The following NELL1 variants were observed in gnomAD, a reference collection of about 807,000 sequenced individuals.
NELL1 encodes protein kinase C-binding protein NELL1.
Under a neutral mutation model 107.4 loss-of-function variants are expected in NELL1, and 76 were observed. The ratio of observed to expected loss-of-function variants is 0.71; its 90% CI spans 0.59 to 0.86. The LOEUF is 0.86. Ranked by LOEUF, NELL1 falls within the 40% of genes least tolerant of loss-of-function variation. NELL1 has a pLI of 0.00. For missense variants in NELL1, 1,024 were observed against 1,005.5 expected, an observed-to-expected ratio of 1.02 and a Z score of -0.25; for synonymous variants, 353 against 341.2, an observed-to-expected ratio of 1.03 and a Z score of -0.38.
chr11:21,109,804 C>T (rs773790380), intron 12 of NELL1, among the ~76,000 whole-genome samples: 5 of 151,996 alleles, frequency 3.3e-5, no homozygotes, highest in Non-Finnish European at 5.9e-5. Context: ...TCAGGATAGC[C>T]CAGCTCTCTA....
intron 15 of NELL1, among the ~76,000 whole-genome samples, chr11:21,405,259 G>A (rs1233900909): frequency 2.6e-5 from 4 of 151,976 alleles, no homozygotes; most frequent in Non-Finnish European, 5.9e-5. Flanking sequence ...GCATTTCAAT[G>A]ATGGCTTGTT....
intron 14 of NELL1, among the ~76,000 whole-genome samples, chr11:21,323,651 A>C (rs567739731): frequency 6.6e-6 from 1 of 152,236 alleles, no homozygotes; most frequent in African/African-American, 2.4e-5. Flanking sequence ...TGTCACCTCA[A>C]AAAAAGCCTT....
chr11:20,688,264 A>T (rs946868239), intron 2 of NELL1, among the ~76,000 whole-genome samples: 1 of 152,104 alleles, frequency 6.6e-6, no homozygotes, highest in Non-Finnish European at 1.5e-5. Flanking sequence ...CAGAGGGTAC[A>T]TGTGCAGATT....
chr11:21,483,026 C>A (rs140136770), intron 15 of NELL1, among the ~76,000 whole-genome samples: 2 of 151,528 alleles, frequency 1.3e-5, no homozygotes, highest in African/African-American at 4.8e-5. Flanking sequence ...CTTGCTCTGT[C>A]GCCCAGGCTG....
chr11:20,856,421 A>G (rs902466046), intron 4 of NELL1, among the ~76,000 whole-genome samples: 2 of 152,200 alleles, frequency 1.3e-5, no homozygotes, highest in Non-Finnish European at 2.9e-5. Context: ...ATTAGAGTCT[A>G]TTAGTCTGAG....
At chr11:21,059,266 T>G (rs1590595294) in intron 12 of NELL1, among the ~76,000 whole-genome samples, 2 of 10,358 alleles carry the variant, frequency 1.9e-4, no homozygotes, top group Admixed American at 2.7e-3. Flanking sequence ...TTTTGTTTTG[T>G]TTTTTTTTTT....
chr11:20,865,431 C>T (rs77864486), intron 4 of NELL1, among the ~76,000 whole-genome samples: 5,517 of 152,162 alleles, frequency 0.036, 306 homozygotes, highest in African/African-American at 0.13. Context: ...CTGGAAAAGC[C>T]TTGGAGTCTG....
chr11:21,175,008 G>A (rs570147417), intron 13 of NELL1, among the ~76,000 whole-genome samples: 14 of 151,820 alleles, frequency 9.2e-5, no homozygotes, highest in African/African-American at 3.2e-4. Flanking sequence ...AAACAGGGCA[G>A]GCCAGGACAA....
intron 8 of NELL1, among the ~76,000 whole-genome samples, chr11:20,927,831 G>A (rs4483587): frequency 1 from 152,285 of 152,342 alleles, 76,114 homozygotes; most frequent in Middle Eastern, 1. Flanking sequence ...ATTGTCTTTT[G>A]CAAAGTGTAT....
At chr11:20,674,885 TTAGTCCCTGCATCGGTCAATA>T (rs1792759960) in intron 1 of NELL1, among the ~76,000 whole-genome samples, 2 of 152,214 alleles carry the variant, frequency 1.3e-5, no homozygotes, top group South Asian at 4.1e-4. Flanking sequence ...TAGAAGGTCT[TTAGTCCCTGCATCGGTCAATA>T]TTGTCATAAT....
At chr11:21,054,452 C>T (rs938590) in intron 12 of NELL1, among the ~76,000 whole-genome samples, 148,592 of 152,122 alleles carry the variant, frequency 0.98, 72,636 homozygotes, top group East Asian at 1. Context: ...TCTTACAGTA[C>T]TTGGAATGGC....
chr11:20,737,525 C>T (rs1444262319), intron 2 of NELL1, among the ~76,000 whole-genome samples: 1 of 151,918 alleles, frequency 6.6e-6, no homozygotes, highest in Non-Finnish European at 1.5e-5. Flanking sequence ...TGTGTTGTGC[C>T]TCAGTTTACA....
Position 21,251,766 on chromosome 11 carries a change from G to A in NELL1, c.1549+22312G>A, listed in dbSNP as rs570785100. On this transcript the variant is annotated intron_variant, in intron 14 of 19. Transcript: ENST00000357134. ...GCAATGACATGAGGAGGTTCAAGGC[G>A]ATGGAATGGATCACCATGAAGAAGA... Among the ~76,000 whole-genome samples the A allele has an allele frequency of 1.4e-4, 22 of 152,152 alleles. No individual in the cohort carries two copies. In the East Asian group the frequency reaches 1.8e-3, roughly 12 times the overall value.
At chr11:20,977,686 C>T (rs1245165170) in intron 12 of NELL1, among the ~76,000 whole-genome samples, 2 of 152,210 alleles carry the variant, frequency 1.3e-5, no homozygotes, top group Non-Finnish European at 2.9e-5. Flanking sequence ...AGAGCAGGCT[C>T]CAAGATGTCA....
intron 13 of NELL1, among the ~76,000 whole-genome samples, chr11:21,171,329 G>A (rs909905577): frequency 6.6e-6 from 1 of 151,752 alleles, no homozygotes; most frequent in Non-Finnish European, 1.5e-5. Flanking sequence ...CAAAGAAGAA[G>A]AAGAGAGCAA....
At chr11:21,544,632 A>G (rs1384350424) in intron 16 of NELL1, among the ~76,000 whole-genome samples, 1 of 151,960 alleles carries the variant, frequency 6.6e-6, no homozygotes, top group Non-Finnish European at 1.5e-5. Context: ...TTTATCCTCA[A>G]AACAACTCCA....
intron 14 of NELL1, among the ~76,000 whole-genome samples, chr11:21,247,018 A>G (rs1858510480): frequency 6.6e-6 from 1 of 152,212 alleles, no homozygotes; most frequent in African/African-American, 2.4e-5. Flanking sequence ...GGGTGGGGAC[A>G]CAGCCAAACC....
intron 12 of NELL1, among the ~76,000 whole-genome samples, chr11:21,012,517 C>G (rs888480014): frequency 6.6e-6 from 1 of 152,020 alleles, no homozygotes; most frequent in South Asian, 2.1e-4. Context: ...AACCTCTTGC[C>G]CACTGTCCAG....
chr11:20,781,792 G>T (rs1021747983), intron 2 of NELL1, among the ~76,000 whole-genome samples: 22 of 148,336 alleles, frequency 1.5e-4, no homozygotes, highest in African/African-American at 5.2e-4. Context: ...ACTTTGGAAG[G>T]CCAAGGTGGG....
Sources: gnomAD v4.1 joint callset for allele counts (sites outside exome capture counted in the v4.1 genomes callset) on GRCh38, gnomAD v4.1.1 for gene constraint, MANE v1.5 for transcripts, NCBI Gene and HGNC (gene_info 2026-07-23, HGNC 2026-07-21) for gene names.